Variants in PLD1 observed in about 807,000 individuals in gnomAD.
The protein encoded by PLD1 is phospholipase D1, also known as choline phosphatase 1.
A neutral mutation model predicts 137.1 loss-of-function variants in PLD1; 112 were observed. That is an observed-to-expected ratio of 0.82 (90% confidence interval 0.70 to 0.96). The LOEUF (loss-of-function observed/expected upper bound fraction) is 0.96, where lower values mean the gene tolerates loss of function less well. Ranked by LOEUF, PLD1 falls within the 40% of genes least tolerant of loss-of-function variation. PLD1 has a pLI of 0.00. For missense variants in PLD1, 1,321 were observed against 1,342.0 expected (o/e 0.98, Z 0.24); for synonymous variants, 431 against 454.7 (o/e 0.95, Z 0.66).
At chr3:171,782,369 A>C (rs79059478) in intron 1 of PLD1, among the ~76,000 whole-genome samples, 3,555 of 152,296 alleles carry the variant, frequency 0.023, 136 homozygotes, top group African/African-American at 0.081. Context: ...TGAATGGTAC[A>C]CTAAAGATTT....
intron 1 of PLD1, among the ~76,000 whole-genome samples, chr3:171,749,358 CA>C (rs954839980): frequency 1.4e-4 from 22 of 152,020 alleles, no homozygotes; most frequent in African/African-American, 5.1e-4. Context: ...GACACTCTTA[CA>C]AAAAAACCCA....
chr3:171,639,551 TC>T (rs1374530347), intron 23 of PLD1, among the ~76,000 whole-genome samples: 3 of 96,154 alleles, frequency 3.1e-5, no homozygotes, highest in African/African-American at 9.4e-5. Context: ...AAATATATAT[TC>T]ATATAATATA....
At chr3:171,727,954 C>G (rs965163675) in intron 6 of PLD1, among the ~76,000 whole-genome samples, 1 of 152,096 alleles carries the variant, frequency 6.6e-6, no homozygotes, top group Non-Finnish European at 1.5e-5. Context: ...ACTTAAATAT[C>G]TTTTTAAAAT....
At chr3:171,743,197 A>T (rs1719907208) in intron 1 of PLD1, among the ~76,000 whole-genome samples, 1 of 152,184 alleles carries the variant, frequency 6.6e-6, no homozygotes, top group Non-Finnish European at 1.5e-5. Flanking sequence ...CTACAGGCAA[A>T]AATCATCTTG....
At chr3:171,746,560 A>G (rs1455839733) in intron 1 of PLD1, among the ~76,000 whole-genome samples, 5 of 152,302 alleles carry the variant, frequency 3.3e-5, no homozygotes, top group East Asian at 1.9e-4. Context: ...AAACACACCA[A>G]TCAGCACCCT....
chr3:171,617,566 G>A (rs181961897), intron 24 of PLD1, among the ~76,000 whole-genome samples: 1 of 152,300 alleles, frequency 6.6e-6, no homozygotes, highest in East Asian at 1.9e-4. Flanking sequence ...TAGTCATCAG[G>A]ATAGGCTTAA....
intron 24 of PLD1, among the ~76,000 whole-genome samples, chr3:171,616,825 T>C (rs1325303216): frequency 6.6e-6 from 1 of 152,202 alleles, no homozygotes; most frequent in Non-Finnish European, 1.5e-5. Context: ...AATAAATTTG[T>C]GTTGTTTTAA....
At chr3:171,609,167 GCAAATTAAAAC>G (rs1408270837) in intron 25 of PLD1, among the ~76,000 whole-genome samples, 1 of 151,972 alleles carries the variant, frequency 6.6e-6, no homozygotes, top group Non-Finnish European at 1.5e-5. Flanking sequence ...TCAGATAAAT[GCAAATTAAAAC>G]CACACAAGAT....
At chr3:171,739,053 G>C (rs1292916693) in intron 1 of PLD1, among the ~76,000 whole-genome samples, 2 of 152,212 alleles carry the variant, frequency 1.3e-5, no homozygotes, top group African/African-American at 4.8e-5. Context: ...TGAGATGAAT[G>C]AAAACGTGAA....
chr3:171,681,161 T>C (rs562268790), intron 16 of PLD1, among the ~76,000 whole-genome samples: 2 of 152,366 alleles, frequency 1.3e-5, no homozygotes, highest in African/African-American at 4.8e-5. Context: ...GCTCATTTCA[T>C]AACTCACAGG....
intron 6 of PLD1, among the ~76,000 whole-genome samples, chr3:171,728,445 G>A (rs1718701653): frequency 6.6e-6 from 1 of 152,134 alleles, no homozygotes; most frequent in Admixed American, 6.5e-5. Flanking sequence ...GTAATCCTAT[G>A]GGTTATTGGA....
At chr3:171,714,825 A>AAT (rs1171711489) in intron 8 of PLD1, among the ~76,000 whole-genome samples, 1 of 152,212 alleles carries the variant, frequency 6.6e-6, no homozygotes, top group Non-Finnish European at 1.5e-5. Context: ...AACTTATAGC[A>AAT]AAGAACATAT....
intron 12 of PLD1, among the ~76,000 whole-genome samples, chr3:171,695,205 T>C (rs1316512447): frequency 2.6e-5 from 4 of 152,226 alleles, no homozygotes; most frequent in Non-Finnish European, 4.4e-5. Flanking sequence ...GGGAAATATT[T>C]CTGCAAAATG....
rs9852475 is a variant in PLD1, at chr3:171,634,210, T to A, written c.2593+8630A>T. ...AATCTTTTCATAAACAGGCTTAGCA[T>A]TGAAATTAATTCTTGTGTTAAAAAC... On this transcript the variant is annotated intron_variant, in intron 23 of 26. Coordinates refer to ENST00000351298, the MANE Select transcript of PLD1 (RefSeq NM_002662.5). 3.1e-3 allele frequency among the ~76,000 whole-genome samples: 469 copies of A among 152,258 alleles called. 3 individuals are homozygous for A. The highest frequency in any genetic ancestry group is 0.011 in the African/African-American group (444 of 41,556).
intron 19 of PLD1, among the ~76,000 whole-genome samples, 194 bp downstream of exon 19, chr3:171,674,306 G>C (rs888859770): frequency 1.3e-5 from 2 of 152,200 alleles, no homozygotes; most frequent in Admixed American, 1.3e-4. Context: ...ATATTTATAA[G>C]AGTTTTAAAA....
At chr3:171,742,331 C>A (rs1719840093) in intron 1 of PLD1, among the ~76,000 whole-genome samples, 1 of 152,116 alleles carries the variant, frequency 6.6e-6, no homozygotes, top group African/African-American at 2.4e-5. Flanking sequence ...GCTCAAGTGA[C>A]CTGCCTGCCT....
chr3:171,792,601 C>T (rs1198675820), intron 1 of PLD1: 3 of 456,552 alleles, frequency 6.6e-6, no homozygotes, highest in Non-Finnish European at 1.3e-5. Context: ...CTGGCTGAGG[C>T]TGATGGAGCA....
At chr3:171,720,487 G>A (rs4894742) in intron 8 of PLD1, among the ~76,000 whole-genome samples, 54,094 of 150,856 alleles carry the variant, frequency 0.36, 10,769 homozygotes, top group African/African-American at 0.51. Flanking sequence ...AGAGCCTGAG[G>A]CAGGAGAACG....
chr3:171,808,466 G>T (rs569180053), intron 1 of PLD1, among the ~76,000 whole-genome samples: 92 of 152,244 alleles, frequency 6.0e-4, no homozygotes, highest in South Asian at 1.7e-3. Flanking sequence ...AACCCGGGAG[G>T]TGGAGCTTGC....
Sources: gnomAD v4.1 joint callset for allele counts (sites outside exome capture counted in the v4.1 genomes callset) on GRCh38, gnomAD v4.1.1 for gene constraint, MANE v1.5 for transcripts, NCBI Gene and HGNC (gene_info 2026-07-23, HGNC 2026-07-21) for gene names.